Variants in CCSER1 observed in about 807,000 individuals in gnomAD.
CCSER1 encodes the protein serine-rich coiled-coil domain-containing protein 1.
In CCSER1, 41 loss-of-function variants were observed where a neutral mutation model predicts 82.0. The ratio of observed to expected loss-of-function variants is 0.50; its 90% CI spans 0.39 to 0.65. The LOEUF (loss-of-function observed/expected upper bound fraction) is 0.65. CCSER1 is among the 30% of genes least tolerant of loss of function. The pLI is 0.00. For missense variants in CCSER1, 1,119 were observed against 1,064.2 expected (o/e 1.05, Z -0.72); for synonymous variants, 414 against 383.9 (o/e 1.08, Z -0.92).
intron 7 of CCSER1, among the ~76,000 whole-genome samples, chr4:90,778,527 T>A (rs1239992788): frequency 7.0e-6 from 1 of 143,392 alleles, no homozygotes. Context: ...ATGCATTTCT[T>A]AAAAAAAAAA....
Position 91,557,880 on chromosome 4 carries a change from G to A in CCSER1, c.2218-40692G>A, listed in dbSNP as rs1007876819. On this transcript the variant is annotated intron_variant, in intron 10 of 10. Transcript: ENST00000509176. Reference sequence around the variant, plus strand: ...TTTTAGATTTCATATTTGTATCAATGAAGACATTTTGTAAGCAAAATGTAA... The same window carrying A: ...TTTTAGATTTCATATTTGTATCAATAAAGACATTTTGTAAGCAAAATGTAA... 4.6e-5 allele frequency among the ~76,000 whole-genome samples: 7 copies of A among 151,250 alleles called. No individual in the cohort carries two copies. In the Admixed American group the frequency reaches 4.6e-4, roughly 10 times the overall value.
intron 8 of CCSER1, among the ~76,000 whole-genome samples, chr4:90,890,291 T>C (rs745737561): frequency 6.6e-6 from 1 of 152,178 alleles, no homozygotes; most frequent in Non-Finnish European, 1.5e-5. Context: ...TCCCTGGGCT[T>C]CAGACTCCTC....
At chr4:90,356,839 G>C (rs1270016599) in intron 3 of CCSER1, among the ~76,000 whole-genome samples, 1 of 151,714 alleles carries the variant, frequency 6.6e-6, no homozygotes, top group South Asian at 2.1e-4. Flanking sequence ...CAATGAAGCT[G>C]TCTGATATTT....
chr4:91,335,828 C>CA (rs1294022933), intron 10 of CCSER1, among the ~76,000 whole-genome samples: 11 of 151,446 alleles, frequency 7.3e-5, no homozygotes, highest in East Asian at 5.8e-4. Context: ...GAGTTAGAGA[C>CA]AAAAAAAATT....
At chr4:90,685,453 C>A (rs1310360879) in intron 6 of CCSER1, among the ~76,000 whole-genome samples, 1 of 152,052 alleles carries the variant, frequency 6.6e-6, no homozygotes, top group Non-Finnish European at 1.5e-5. Context: ...TATTAGAGTG[C>A]CAATCAAAGA....
chr4:91,099,119 A>G (rs1042331746), intron 10 of CCSER1, among the ~76,000 whole-genome samples: 3 of 152,138 alleles, frequency 2.0e-5, no homozygotes, highest in Admixed American at 2.0e-4. Flanking sequence ...ACTTGCTTCT[A>G]CTTGTATGTT....
intron 10 of CCSER1, among the ~76,000 whole-genome samples, chr4:91,443,733 A>G (rs1452572991): frequency 1.3e-5 from 2 of 148,188 alleles, no homozygotes; most frequent in Non-Finnish European, 3.0e-5. Flanking sequence ...AACTATATGT[A>G]TATATATATA....
chr4:90,578,835 G>C (rs1781075576), intron 5 of CCSER1, among the ~76,000 whole-genome samples: 1 of 152,032 alleles, frequency 6.6e-6, no homozygotes, highest in African/African-American at 2.4e-5. Flanking sequence ...TATTTATTAA[G>C]TAATTAATTT....
chr4:90,808,370 CA>C (rs1275216049), intron 7 of CCSER1, among the ~76,000 whole-genome samples: 1 of 151,882 alleles, frequency 6.6e-6, no homozygotes, highest in Non-Finnish European at 1.5e-5. Flanking sequence ...ACAAATGTAA[CA>C]AAAAGGAAAA....
At chr4:90,822,927 C>T (rs1258756867) in intron 8 of CCSER1, among the ~76,000 whole-genome samples, 2 of 152,056 alleles carry the variant, frequency 1.3e-5, no homozygotes, top group East Asian at 3.8e-4. Flanking sequence ...TAATCTTCCT[C>T]TGTTTACTAA....
chr4:90,358,089 G>A (rs1744670698), intron 3 of CCSER1, among the ~76,000 whole-genome samples: 1 of 151,964 alleles, frequency 6.6e-6, no homozygotes. Context: ...GTTTTTATCT[G>A]AAGTGTAACT....
At chr4:91,358,410 T>TTC (rs1553927779) in intron 10 of CCSER1, among the ~76,000 whole-genome samples, 6 of 146,980 alleles carry the variant, frequency 4.1e-5, no homozygotes, top group South Asian at 4.3e-4. Context: ...TTTTTTTTTT[T>TTC]CCCGAGACAA....
At chr4:91,490,563 T>C (rs1758463048) in intron 10 of CCSER1, among the ~76,000 whole-genome samples, 1 of 151,614 alleles carries the variant, frequency 6.6e-6, no homozygotes, top group South Asian at 2.1e-4. Flanking sequence ...CTCATGAAGA[T>C]TGAAAGTAGA....
At chr4:90,403,672 T>A (rs1481918792) in intron 4 of CCSER1, among the ~76,000 whole-genome samples, 2 of 152,176 alleles carry the variant, frequency 1.3e-5, no homozygotes, top group African/African-American at 4.8e-5. Flanking sequence ...TATATTCCAC[T>A]GCTTATATTA....
chr4:90,364,170 G>C (rs1454078067), intron 3 of CCSER1, among the ~76,000 whole-genome samples: 2 of 152,002 alleles, frequency 1.3e-5, no homozygotes, highest in Non-Finnish European at 2.9e-5. Flanking sequence ...TTTTTACCCT[G>C]AAATAGACAA....
At chr4:90,919,982 G>T (rs1273529305) in intron 8 of CCSER1, among the ~76,000 whole-genome samples, 1 of 151,848 alleles carries the variant, frequency 6.6e-6, no homozygotes, top group Middle Eastern at 3.2e-3. Context: ...TAGGTATTTT[G>T]TCAGGGGCAT....
At chr4:90,827,171 A>G (rs911769154) in intron 8 of CCSER1, among the ~76,000 whole-genome samples, 2 of 152,204 alleles carry the variant, frequency 1.3e-5, no homozygotes, top group African/African-American at 4.8e-5. Context: ...GTTTCTGGGA[A>G]TAGGCAGAGA....
intron 3 of CCSER1, among the ~76,000 whole-genome samples, chr4:90,385,039 A>G (rs904111681): frequency 6.6e-6 from 1 of 152,188 alleles, no homozygotes; most frequent in African/African-American, 2.4e-5. Context: ...ATTTCTATCC[A>G]TGTTGTTGCA....
At chr4:90,550,100 A>G (rs1406407836) in intron 5 of CCSER1, among the ~76,000 whole-genome samples, 3 of 152,116 alleles carry the variant, frequency 2.0e-5, no homozygotes, top group African/African-American at 7.2e-5. Context: ...TAGAATTTGG[A>G]AAGCAGGGAA....
Sources: allele counts gnomAD v4.1 joint callset (sites outside exome capture counted in the v4.1 genomes callset), GRCh38; gene constraint gnomAD v4.1.1; transcripts MANE v1.5; gene names NCBI Gene and HGNC (gene_info 2026-07-23, HGNC 2026-07-21).